MRTFA: variants seen among roughly 807,000 people sequenced by gnomAD.
The protein encoded by MRTFA is myocardin-related transcription factor A.
In MRTFA, 20 loss-of-function variants were observed where a neutral mutation model predicts 83.5. That is an observed-to-expected ratio of 0.24 (90% CI 0.17 to 0.35). MRTFA has a LOEUF of 0.35. MRTFA is among the 10% of genes least tolerant of loss of function. The probability of loss-of-function intolerance (pLI) is 1.00; values close to 1 mark genes in which losing one functional copy is unlikely to be tolerated. For missense variants in MRTFA, 1,200 were observed against 1,224.7 expected (o/e 0.98, Z 0.30); for synonymous variants, 659 against 541.2 (o/e 1.22, Z -3.02).
intron 1 of MRTFA, among the ~76,000 whole-genome samples, chr22:40,635,351 A>T (rs929711292): frequency 1.4e-4 from 1 of 6,958 alleles, no homozygotes; most frequent in Admixed American, 4.1e-4. Flanking sequence ...AATAAGTCTT[A>T]ACGTTACAGG....
At chr22:40,487,124 G>A (rs1287676903) in intron 3 of MRTFA, among the ~76,000 whole-genome samples, 2 of 152,118 alleles carry the variant, frequency 1.3e-5, no homozygotes, top group Middle Eastern at 6.3e-3. Flanking sequence ...AACATCTAAG[G>A]ACAGGATATA....
intron 1 of MRTFA, among the ~76,000 whole-genome samples, chr22:40,633,994 C>G (rs972580599): frequency 1.1e-4 from 16 of 152,138 alleles, no homozygotes; most frequent in Non-Finnish European, 2.4e-4. Context: ...CCTAAAGCAA[C>G]ACAATCAAAG....
chr22:40,536,529 G>A (rs56334449), intron 3 of MRTFA, among the ~76,000 whole-genome samples: 9,524 of 121,842 alleles, frequency 0.078, 519 homozygotes, highest in East Asian at 0.26. Context: ...CCGCCACCCC[G>A]TCTGGGAAGT....
chr22:40,557,331 A>G (rs2055539485), intron 2 of MRTFA, among the ~76,000 whole-genome samples: 1 of 152,216 alleles, frequency 6.6e-6, no homozygotes, highest in South Asian at 2.1e-4. Context: ...AGCTAAACAG[A>G]TGCGCTAGAA....
At chr22:40,435,102 G>T (rs1006049266) in intron 5 of MRTFA, among the ~76,000 whole-genome samples, 1 of 152,122 alleles carries the variant, frequency 6.6e-6, no homozygotes, top group Admixed American at 6.5e-5. Context: ...GTGTAACCCC[G>T]GACTTGGGAA....
intron 4 of MRTFA, among the ~76,000 whole-genome samples, chr22:40,459,782 T>TATACACACACACACAC (rs1261144482): frequency 3.4e-4 from 30 of 88,932 alleles, no homozygotes; most frequent in Middle Eastern, 0.013. Context: ...TGATAAAATA[T>TATACACACACACACAC]ACACACACAC....
chr22:40,483,637 A>G (rs1227270620), intron 3 of MRTFA, among the ~76,000 whole-genome samples: 3 of 151,726 alleles, frequency 2.0e-5, no homozygotes, highest in Non-Finnish European at 4.4e-5. Flanking sequence ...GTGAGCCGAG[A>G]TAGTGCCACT....
At chr22:40,471,308 C>A (rs550286970) in intron 3 of MRTFA, among the ~76,000 whole-genome samples, 1 of 148,022 alleles carries the variant, frequency 6.8e-6, no homozygotes, top group East Asian at 2.0e-4. Flanking sequence ...GAGGCTGAGG[C>A]AAGAGAATCG....
At chr22:40,612,530 CT>C in intron 1 of MRTFA, among the ~76,000 whole-genome samples, 1 of 152,238 alleles carries the variant, frequency 6.6e-6, no homozygotes, top group African/African-American at 2.4e-5. Flanking sequence ...CTGGAGAGTA[CT>C]TTTTAATCAA....
chr22:40,482,588 G>C (rs2054109248), intron 3 of MRTFA, among the ~76,000 whole-genome samples: 2 of 152,132 alleles, frequency 1.3e-5, no homozygotes, highest in Non-Finnish European at 2.9e-5. Context: ...GCTTCCTTTA[G>C]CACTTTTAGG....
chr22:40,528,863 C>T (rs1436787886), intron 3 of MRTFA, among the ~76,000 whole-genome samples: 1 of 151,542 alleles, frequency 6.6e-6, no homozygotes, highest in Non-Finnish European at 1.5e-5. Flanking sequence ...TTTCTTAAAA[C>T]ATTATGAGAT....
At chr22:40,440,314 T>C (rs1287788917) in intron 4 of MRTFA, among the ~76,000 whole-genome samples, 1 of 152,208 alleles carries the variant, frequency 6.6e-6, no homozygotes, top group Non-Finnish European at 1.5e-5. Context: ...CTGGCTGAGA[T>C]GCAGTAACCT....
At chr22:40,532,348 C>G (rs2055096176) in intron 3 of MRTFA, among the ~76,000 whole-genome samples, 1 of 152,132 alleles carries the variant, frequency 6.6e-6, no homozygotes, top group African/African-American at 2.4e-5. Flanking sequence ...GGCACTTGCC[C>G]ACACATAGCA....
intron 3 of MRTFA, among the ~76,000 whole-genome samples, chr22:40,493,824 G>C (rs1160150506): frequency 6.6e-6 from 1 of 152,196 alleles, no homozygotes; most frequent in Admixed American, 6.5e-5. Context: ...TTATCTAAGA[G>C]AAGTGAAAAC....
intron 4 of MRTFA, 82 bp from the exon 5 acceptor site, chr22:40,435,636 T>G: frequency 6.7e-7 from 1 of 1,484,846 alleles, no homozygotes; most frequent in Non-Finnish European, 9.4e-7. Context: ...GAAGGCATCT[T>G]AAATTCATGT....
intron 1 of MRTFA, among the ~76,000 whole-genome samples, chr22:40,618,337 G>A (rs891637975): frequency 2.0e-5 from 3 of 148,194 alleles, no homozygotes; most frequent in Admixed American, 6.9e-5. Context: ...TGACCCACTC[G>A]CCTCGGCCTC....
chr22:40,524,927 C>A (rs2054939633), intron 3 of MRTFA, among the ~76,000 whole-genome samples: 1 of 152,200 alleles, frequency 6.6e-6, no homozygotes, highest in Admixed American at 6.5e-5. Context: ...CCTGCCTCGG[C>A]CTCCCAAGTA....
chr22:40,419,492 T>G, intron 11 of MRTFA, 108 bp from the exon 12 acceptor site: 8 of 943,454 alleles, frequency 8.5e-6, no homozygotes, highest in East Asian at 2.5e-5. Context: ...ATGCATCAAC[T>G]ACCCTAATCC....
chr22:40,539,199 A>C (rs1193857126), intron 3 of MRTFA, among the ~76,000 whole-genome samples: 1 of 151,196 alleles, frequency 6.6e-6, no homozygotes, highest in Non-Finnish European at 1.5e-5. Flanking sequence ...GGGTTTCACC[A>C]TGTTGGCCCA....
Sources: allele counts gnomAD v4.1 joint callset (sites outside exome capture counted in the v4.1 genomes callset), GRCh38; gene constraint gnomAD v4.1.1; transcripts MANE v1.5; gene names NCBI Gene and HGNC (gene_info 2026-07-23, HGNC 2026-07-21).